Variants in ALK observed in about 807,000 individuals in gnomAD.
ALK encodes ALK tyrosine kinase receptor.
A neutral mutation model predicts 163.1 loss-of-function variants in ALK; 74 were observed. The observed-to-expected ratio is 0.45, with a 90% CI of 0.38 to 0.55. The LOEUF (loss-of-function observed/expected upper bound fraction) is 0.55, where lower values mean the gene tolerates loss of function less well. ALK is among the 20% of genes least tolerant of loss of function. The pLI is 0.00. For missense variants in ALK, 2,063 were observed against 2,105.3 expected, an observed-to-expected ratio of 0.98 and a Z score of 0.39; for synonymous variants, 960 against 843.2, an observed-to-expected ratio of 1.14 and a Z score of -2.40.
At chr2:29,621,469 T>C (rs1224853968) in intron 3 of ALK, among the ~76,000 whole-genome samples, 1 of 152,132 alleles carries the variant, frequency 6.6e-6, no homozygotes, top group African/African-American at 2.4e-5. Context: ...AAGCTGATGG[T>C]CAGGCACAGT....
At chr2:29,864,545 T>G (rs1438955412) in intron 1 of ALK, among the ~76,000 whole-genome samples, 1 of 152,250 alleles carries the variant, frequency 6.6e-6, no homozygotes, top group Non-Finnish European at 1.5e-5. Flanking sequence ...CATCTTTCTC[T>G]TTTACAACTG....
At chr2:29,563,284 G>A (rs1480214234) in intron 3 of ALK, among the ~76,000 whole-genome samples, 1 of 152,176 alleles carries the variant, frequency 6.6e-6, no homozygotes, top group African/African-American at 2.4e-5. Context: ...TTGGATTACA[G>A]AACGGGAACA....
At position 29,643,812 on chromosome 2, in the gene ALK, A is replaced by G. The variant is rs1397517896; in HGVS notation, c.952+51038T>C. Reference sequence around the variant, plus strand: ...TACACTGTTGGTGGGACGGTAAACTAGTTCAACCATTGTGGAAGTCAGTGT... The same window carrying G: ...TACACTGTTGGTGGGACGGTAAACTGGTTCAACCATTGTGGAAGTCAGTGT... On this transcript the variant is annotated intron_variant, in intron 3 of 28. Transcript: ENST00000389048. Among the ~76,000 whole-genome samples, 3 of 152,188 alleles carry G rather than the reference A, an allele frequency of 2.0e-5. No individual in the cohort carries two copies. In the East Asian group the frequency reaches 5.8e-4, roughly 29 times the overall value.
At chr2:29,794,517 G>A (rs1035041731) in intron 1 of ALK, among the ~76,000 whole-genome samples, 1 of 152,144 alleles carries the variant, frequency 6.6e-6, no homozygotes, top group Non-Finnish European at 1.5e-5. Context: ...CTTTTGACAT[G>A]CCTACTCACC....
intron 25 of ALK, among the ~76,000 whole-genome samples, chr2:29,207,787 A>G (rs1417774492): frequency 6.6e-6 from 1 of 152,226 alleles, no homozygotes. Flanking sequence ...ACACACCCAG[A>G]CAAAAGAACA....
At chr2:29,639,554 C>T (rs1420228832) in intron 3 of ALK, among the ~76,000 whole-genome samples, 5 of 152,000 alleles carry the variant, frequency 3.3e-5, no homozygotes, top group South Asian at 2.1e-4. Flanking sequence ...AAACTGAGAC[C>T]GGGGAGAATA....
rs533832029 is a variant in ALK at position 29,829,248 on chromosome 2, T to C, written c.667+90745A>G. On this transcript the variant is annotated intron_variant, in intron 1 of 28. Coordinates refer to ENST00000389048, the MANE Select transcript of ALK (RefSeq NM_004304.5). The stretch of plus-strand genomic sequence containing the variant: ...AGTTAATGGGTACAGCACACCATGG[T>C]ACATGTATACATATGTAACTAACCT... Among the ~76,000 whole-genome samples the C allele has an allele frequency of 6.1e-4, 92 of 151,342 alleles. 1 individual carries two copies. The highest frequency in any genetic ancestry group is 2.1e-3 in the African/African-American group (86 of 41,218).
chr2:29,640,269 G>A (rs904074172), intron 3 of ALK, among the ~76,000 whole-genome samples: 1 of 152,114 alleles, frequency 6.6e-6, no homozygotes, highest in African/African-American at 2.4e-5. Context: ...AACAGTAATC[G>A]CCAATGTTGG....
intron 3 of ALK, among the ~76,000 whole-genome samples, chr2:29,580,928 G>A (rs1674671433): frequency 6.6e-6 from 1 of 152,178 alleles, no homozygotes; most frequent in Non-Finnish European, 1.5e-5. Context: ...AGAAAGAAGT[G>A]TTGAGGGCTA....
rs747967876 is a variant in ALK at position 29,336,720 on chromosome 2, C to T, written c.1283-8239G>A. 3.2e-4 allele frequency among the ~76,000 whole-genome samples: 48 copies of T among 152,324 alleles called. 1 individual carries two copies. The Middle Eastern group carries it at 0.014, about 43-fold the overall frequency. ...TACAAAACCTACACAACTCTCCTAA[C>T]GCAAATTTCTTTTTTTAAACGAATG... On this transcript the variant is annotated intron_variant, in intron 5 of 28. Transcript: ENST00000389048.
At chr2:29,287,057 G>T (rs868851978) in intron 9 of ALK, among the ~76,000 whole-genome samples, 18 of 151,748 alleles carry the variant, frequency 1.2e-4, no homozygotes, top group African/African-American at 4.1e-4. Flanking sequence ...TTTTATTAAT[G>T]AAAACAAGCT....
In ALK at chr2:29,865,904, A is replaced by C. The variant is rs76039840; in HGVS notation, c.667+54089T>G. 3.2e-3 allele frequency among the ~76,000 whole-genome samples: 485 copies of C among 152,284 alleles called. 1 individual carries two copies. Among genetic ancestry groups the C allele is most frequent in the African/African-American group, 0.011 (451 of 41,552 alleles). On this transcript the variant is annotated intron_variant, in intron 1 of 28. Coordinates refer to ENST00000389048, the MANE Select transcript of ALK (RefSeq NM_004304.5). ...TCAGGACTTGAAACCAGGTCTCCAG[A>C]TGCCCAAGGTCTCTCTCCCAGACAC...
rs914297481 is a variant in ALK at position 29,312,922 on chromosome 2, A to G, written c.1647+5382T>C. On this transcript the variant is annotated intron_variant, in intron 8 of 28. Coordinates refer to ENST00000389048, the MANE Select transcript of ALK (RefSeq NM_004304.5). The stretch of plus-strand genomic sequence containing the variant: ...GAGATGGGGGTTGGACATCCACAGG[A>G]ACTCTGCCTGATGAGTATCTTGGTC... 1.2e-4 allele frequency among the ~76,000 whole-genome samples: 19 copies of G among 152,318 alleles called. No individual in the cohort carries two copies. In the East Asian group the frequency reaches 3.7e-3, roughly 29 times the overall value.
At chr2:29,705,079 G>T (rs1294989224) in intron 2 of ALK, among the ~76,000 whole-genome samples, 4 of 150,754 alleles carry the variant, frequency 2.7e-5, no homozygotes, top group African/African-American at 9.7e-5. Flanking sequence ...TTAGCCAAGC[G>T]TGGTGGCTGG....
chr2:29,406,239 G>A (rs1363512344), intron 4 of ALK, among the ~76,000 whole-genome samples: 2 of 152,166 alleles, frequency 1.3e-5, no homozygotes, highest in Non-Finnish European at 2.9e-5. Flanking sequence ...CTATAGCAAA[G>A]GCTGAAGGAA....
chr2:29,580,501 T>C (rs1004942440), intron 3 of ALK, among the ~76,000 whole-genome samples: 2 of 152,182 alleles, frequency 1.3e-5, no homozygotes, highest in Non-Finnish European at 2.9e-5. Context: ...CCGGTTGACA[T>C]AACCCCCATT....
intron 5 of ALK, among the ~76,000 whole-genome samples, chr2:29,372,340 C>T (rs892328986): frequency 2.6e-5 from 4 of 152,238 alleles, no homozygotes; most frequent in Non-Finnish European, 4.4e-5. Flanking sequence ...TCTAGTCCTT[C>T]TTCCAGGGGA....
At chr2:29,650,716 G>A (rs1323212747) in intron 3 of ALK, among the ~76,000 whole-genome samples, 3 of 152,052 alleles carry the variant, frequency 2.0e-5, no homozygotes, top group Admixed American at 6.5e-5. Flanking sequence ...TGAGGTCTCC[G>A]TGTTAACAGA....
At position 29,831,262 on chromosome 2, in the gene ALK, A is replaced by AGAGGAAGAG. The variant is rs1418591879; in HGVS notation, c.667+88730_667+88731insCTCTTCCTC. 2.7e-5 allele frequency among the ~76,000 whole-genome samples: 2 copies of AGAGGAAGAG among 74,242 alleles called. 1 individual carries two copies. The highest frequency in any genetic ancestry group is 5.3e-5 in the Non-Finnish European group (2 of 37,462). The allele number at this position is 74,242 out of a possible 152,430, so 48.7% of individuals were successfully genotyped here. ...AAGAAGAAGAGGAAGAGGAAGAGGA[A>AGAGGAAGAG]GAAGAAGAAGAAGAAGAAGAAGAAG... On this transcript the variant is annotated intron_variant, in intron 1 of 28. Coordinates refer to ENST00000389048, the MANE Select transcript of ALK (RefSeq NM_004304.5).
Sources: allele counts gnomAD v4.1 joint callset (sites outside exome capture counted in the v4.1 genomes callset), GRCh38; gene constraint gnomAD v4.1.1; transcripts MANE v1.5; gene names NCBI Gene and HGNC (gene_info 2026-07-23, HGNC 2026-07-21).